The following FRG1 variants were observed in gnomAD, a reference collection of about 807,000 sequenced individuals.
FRG1 encodes the protein FSHD region gene 1, also known as protein FRG1.
In FRG1, 19 loss-of-function variants were observed where a neutral mutation model predicts 37.0. The observed-to-expected ratio is 0.51, with a 90% CI of 0.36 to 0.75. The LOEUF is 0.75. Ranked by LOEUF, FRG1 falls within the 30% of genes least tolerant of loss-of-function variation. The pLI, the probability that FRG1 is intolerant of heterozygous loss-of-function variation, is 0.00. For synonymous variants in FRG1, 73 were observed against 96.5 expected (o/e 0.76, Z 1.43); for missense variants, 243 against 301.4 (o/e 0.81, Z 1.44).
At chr4:189,946,103 A>G (rs1426060899) in intron 2 of FRG1, among the ~76,000 whole-genome samples, 3 of 152,108 alleles carry the variant, frequency 2.0e-5, no homozygotes, top group Non-Finnish European at 2.9e-5. Context: ...CAGTCTCTTC[A>G]TATTGGTAAT....
At chr4:189,942,568 T>C (rs1216815364) in intron 1 of FRG1, among the ~76,000 whole-genome samples, 1 of 152,232 alleles carries the variant, frequency 6.6e-6, no homozygotes, top group Non-Finnish European at 1.5e-5. Flanking sequence ...TAGTATTCCA[T>C]TGTATGGATG....
intron 8 of FRG1, among the ~76,000 whole-genome samples, chr4:189,962,875 C>A (rs541270874): frequency 2.0e-5 from 3 of 151,986 alleles, no homozygotes; most frequent in Non-Finnish European, 4.4e-5. Flanking sequence ...TTGAAAAAGC[C>A]CTTAGGCAAC....
intron 5 of FRG1, among the ~76,000 whole-genome samples, chr4:189,956,138 A>G (rs575942613): frequency 6.6e-6 from 1 of 152,258 alleles, no homozygotes; most frequent in East Asian, 1.9e-4. Context: ...ACTTAACAAT[A>G]CTTACTTATC....
At chr4:189,962,695 G>A (rs1737287991) in intron 8 of FRG1, among the ~76,000 whole-genome samples, 1 of 152,118 alleles carries the variant, frequency 6.6e-6, no homozygotes. Context: ...GTATCTCATT[G>A]TAAGAAATCA....
chr4:189,958,000 T>C (rs1392268424), intron 6 of FRG1, among the ~76,000 whole-genome samples: 2 of 152,110 alleles, frequency 1.3e-5, no homozygotes, highest in African/African-American at 4.8e-5. Flanking sequence ...AATTTTCAAC[T>C]GTTTTACGCT....
chr4:189,961,816 T>G lies in FRG1; in HGVS notation c.630-6T>G, dbSNP rs755380808. ...GTATTTTTCAATGAAGACATTTTCT[T>G]TACAGAAAGAAATTTCAGAGCTTCC... On this transcript the variant is annotated splice_polypyrimidine_tract_variant and splice_region_variant and intron_variant, in intron 7 of 8. Transcript: ENST00000226798. The G allele has an allele frequency of 7.9e-7, 1 of 1,271,096 alleles. No homozygotes were observed. 78.7% of individuals were successfully genotyped at this position (1,271,096 alleles called of 1,614,324 possible).
Position 189,941,014 on chromosome 4 carries a change from C to G in FRG1, c.5C>G (p.Ala2Gly), listed in dbSNP as rs868258562. The change falls in exon 1 of 9, where the codon GCC becomes GGC. Residue 2 changes from alanine to glycine, a missense_variant. This residue lies in a region of FRG1 where 110 missense variants were observed against 102.2 expected (regional missense o/e 1.08). Transcript: ENST00000226798. M[A>G]EYSYVKSTKL... ...GCGCAGAAGTTTCCCGGAGCCATGG[C>G]CGAGTACTCCTACGTGAAGTCTACC... The G allele has an allele frequency of 6.2e-7, 1 of 1,613,776 alleles. No individual in the cohort carries two copies. Among genetic ancestry groups the G allele is most frequent in the African/African-American group, 1.3e-5 (1 of 74,888 alleles).
At chr4:189,946,841 T>TTTTG (rs549515312) in intron 2 of FRG1, among the ~76,000 whole-genome samples, 39 of 151,906 alleles carry the variant, frequency 2.6e-4, no homozygotes, top group East Asian at 1.2e-3. Flanking sequence ...GTTCAGGGTT[T>TTTTG]TTTGTTTGTT....
intron 2 of FRG1, among the ~76,000 whole-genome samples, chr4:189,949,765 T>C (rs2411549): frequency 0.29 from 44,051 of 152,118 alleles, 6,499 homozygotes; most frequent in Middle Eastern, 0.43. Flanking sequence ...GTAGCTATAA[T>C]TCAATCATCT....
intron 6 of FRG1, among the ~76,000 whole-genome samples, chr4:189,959,371 A>G (rs1165204611): frequency 6.6e-6 from 1 of 152,176 alleles, no homozygotes; most frequent in Non-Finnish European, 1.5e-5. Flanking sequence ...ACAAGAAGAC[A>G]GCCTCTGACC....
chr4:189,950,291 T>A (rs1021257182), intron 2 of FRG1, among the ~76,000 whole-genome samples: 1 of 152,246 alleles, frequency 6.6e-6, no homozygotes, highest in Non-Finnish European at 1.5e-5. Flanking sequence ...TGTATGTAGT[T>A]TACAAATATT....
intron 2 of FRG1, among the ~76,000 whole-genome samples, chr4:189,944,895 T>A (rs578166697): frequency 1.3e-5 from 2 of 152,328 alleles, no homozygotes; most frequent in African/African-American, 4.8e-5. Flanking sequence ...TTTGTTGGAT[T>A]TTCTCGAGAA....
At position 189,955,281 on chromosome 4, in the gene FRG1, A is replaced by G. The variant is rs73024953; in HGVS notation, c.432+130A>G. 2.2e-5 allele frequency: 13 copies of G among 603,288 alleles called. No homozygotes were observed. Among genetic ancestry groups the G allele is most frequent in the South Asian group, 1.3e-4 (6 of 45,080 alleles). 37.4% of individuals were successfully genotyped at this position (603,288 alleles called of 1,614,324 possible). ...TAATACATTAAATAGGAATAAATCAATAAGAACATAGAGCCTTAAAGAGAT... is the reference window on the plus strand; with the variant it reads ...TAATACATTAAATAGGAATAAATCAGTAAGAACATAGAGCCTTAAAGAGAT... On this transcript the variant is annotated intron_variant, in intron 5 of 8. Transcript: ENST00000226798.
intron 7 of FRG1, chr4:189,961,551 G>A (rs1283713468): frequency 1.4e-5 from 3 of 219,450 alleles, no homozygotes; most frequent in African/African-American, 2.3e-5. Context: ...GGGACTACAG[G>A]CGCGTGCCAC....
At position 189,953,271 on chromosome 4, in the gene FRG1, T is replaced by C. The variant is rs1419675136; in HGVS notation, c.317+146T>C. ...CTTTTTTGAAAAGTAGATTTTGTGA[T>C]CTACTTTTAATGGATTTCCTATCAA... On this transcript the variant is annotated intron_variant, in intron 4 of 8. Coordinates refer to ENST00000226798, the MANE Select transcript of FRG1 (RefSeq NM_004477.3). 4.3e-5 allele frequency: 57 copies of C among 1,314,124 alleles called. 2 individuals are homozygous for C. The highest frequency in any genetic ancestry group is 2.0e-6 in the Non-Finnish European group (2 of 1,003,134). 81.4% of individuals were successfully genotyped at this position (1,314,124 alleles called of 1,614,324 possible).
At chr4:189,953,945 A>G (rs1736870885) in intron 4 of FRG1, among the ~76,000 whole-genome samples, 1 of 152,176 alleles carries the variant, frequency 6.6e-6, no homozygotes, top group African/African-American at 2.4e-5. Flanking sequence ...AATATTTGCA[A>G]CAATCTTAAT....
At chr4:189,942,930 C>G (rs557493882) in intron 1 of FRG1, among the ~76,000 whole-genome samples, 234 of 152,182 alleles carry the variant, frequency 1.5e-3, no homozygotes, top group African/African-American at 3.4e-3. Flanking sequence ...GATTCAGTAC[C>G]TTTTCCAAAA....
intron 8 of FRG1, 73 bp from the exon 9 acceptor site, chr4:189,963,020 T>A: frequency 1.0e-6 from 1 of 983,310 alleles, no homozygotes; most frequent in Non-Finnish European, 1.5e-6. Flanking sequence ...TTAAAGCTTT[T>A]TATATTTAGT....
chr4:189,943,398 TAC>T (rs769599666), intron 2 of FRG1, 126 bp downstream of exon 2: 2 of 1,039,684 alleles, frequency 1.9e-6, no homozygotes, highest in African/African-American at 1.6e-5. Flanking sequence ...AAATATTACC[TAC>T]AGTTATAAAT....
Sources: allele counts gnomAD v4.1 joint callset (sites outside exome capture counted in the v4.1 genomes callset), GRCh38; gene constraint gnomAD v4.1.1; regional missense constraint gnomAD v4.1.1; transcripts MANE v1.5; gene names NCBI Gene and HGNC (gene_info 2026-07-23, HGNC 2026-07-21).